Variants in KCNQ5 observed in about 807,000 individuals in gnomAD.
The protein encoded by KCNQ5 is potassium voltage-gated channel subfamily Q member 5, also known as potassium voltage-gated channel subfamily KQT member 5.
Under a neutral mutation model 98.2 loss-of-function variants are expected in KCNQ5, and 30 were observed. That is an observed-to-expected ratio of 0.31 (90% CI 0.23 to 0.41). KCNQ5 has a LOEUF of 0.41. Ranked by LOEUF, KCNQ5 falls within the 10% of genes least tolerant of loss-of-function variation. The pLI is 1.00. For missense variants in KCNQ5, 835 were observed against 1,182.5 expected (o/e 0.71, Z 4.31); for synonymous variants, 458 against 449.4 (o/e 1.02, Z -0.24).
At chr6:72,790,752 T>A (rs190055362) in intron 1 of KCNQ5, among the ~76,000 whole-genome samples, 15 of 152,258 alleles carry the variant, frequency 9.9e-5, no homozygotes, top group African/African-American at 3.6e-4. Flanking sequence ...CTTGGATAAA[T>A]GTTTCTATTA....
chr6:72,799,097 A>G (rs1282252830), intron 1 of KCNQ5, among the ~76,000 whole-genome samples: 1 of 152,134 alleles, frequency 6.6e-6, no homozygotes, highest in Non-Finnish European at 1.5e-5. Flanking sequence ...AGACAGAGAG[A>G]GAAGAGAGAC....
intron 1 of KCNQ5, among the ~76,000 whole-genome samples, chr6:72,718,901 A>G (rs1479717742): frequency 6.6e-6 from 1 of 152,124 alleles, no homozygotes; most frequent in Non-Finnish European, 1.5e-5. Flanking sequence ...TTTTTTATTG[A>G]AATGTAAAGA....
At chr6:72,644,065 G>A (rs1324444851) in intron 1 of KCNQ5, among the ~76,000 whole-genome samples, 1 of 151,928 alleles carries the variant, frequency 6.6e-6, no homozygotes, top group Non-Finnish European at 1.5e-5. Context: ...CACATAACAG[G>A]TATACACTTT....
intron 5 of KCNQ5, among the ~76,000 whole-genome samples, chr6:73,104,930 T>G (rs1774941653): frequency 6.6e-6 from 1 of 152,218 alleles, no homozygotes; most frequent in Non-Finnish European, 1.5e-5. Flanking sequence ...AAATTATTAT[T>G]TGTGTACTGA....
intron 1 of KCNQ5, among the ~76,000 whole-genome samples, chr6:72,734,729 T>C (rs1770735501): frequency 6.6e-6 from 1 of 152,200 alleles, no homozygotes. Context: ...TTGCAATTTA[T>C]ATATCACAAA....
At position 73,103,168 on chromosome 6, in the gene KCNQ5, G is replaced by A. The variant is rs941777314; in HGVS notation, c.919-2089G>A. On this transcript the variant is annotated intron_variant, in intron 5 of 13. Transcript: ENST00000370398. ...TTGCAGCAACATGGATGCAAGCGGAGCTCATTTTGTTGAGTAAAATAAGCC... is the reference window on the plus strand; with the variant it reads ...TTGCAGCAACATGGATGCAAGCGGAACTCATTTTGTTGAGTAAAATAAGCC... Among the ~76,000 whole-genome samples the A allele has an allele frequency of 3.3e-5, 5 of 152,158 alleles. No individual in the cohort carries two copies. In the South Asian group the frequency reaches 8.3e-4, roughly 25 times the overall value.
At chr6:72,718,990 G>T (rs975119657) in intron 1 of KCNQ5, among the ~76,000 whole-genome samples, 2 of 152,152 alleles carry the variant, frequency 1.3e-5, no homozygotes. Flanking sequence ...ATGGAAAAAT[G>T]GAGAGAGGTA....
chr6:72,816,018 G>T (rs946803072), intron 1 of KCNQ5, among the ~76,000 whole-genome samples: 9 of 152,112 alleles, frequency 5.9e-5, no homozygotes, highest in Non-Finnish European at 1.5e-5. Flanking sequence ...GAGAACAGAG[G>T]CTTAAGGCCA....
intron 1 of KCNQ5, among the ~76,000 whole-genome samples, chr6:72,661,868 T>G (rs1255353980): frequency 6.6e-6 from 1 of 152,184 alleles, no homozygotes. Flanking sequence ...TGGGCTAGAA[T>G]AAGCTTCTTT....
intron 1 of KCNQ5, among the ~76,000 whole-genome samples, chr6:72,978,126 A>G (rs1363216385): frequency 1.3e-5 from 2 of 152,238 alleles, no homozygotes; most frequent in African/African-American, 4.8e-5. Context: ...AACAGAGTTA[A>G]CAAGAATATC....
Position 72,945,556 on chromosome 6 carries a change from G to C in KCNQ5, c.399-58352G>C, listed in dbSNP as rs1766503935. ...TGCAACCTCTGTCTCCTGGGTTCAA[G>C]TGGTTCTCCTGCCTCAGCCTTCTGA... On this transcript the variant is annotated intron_variant, in intron 1 of 13. Transcript: ENST00000370398. Among the ~76,000 whole-genome samples, 3 of 151,542 alleles carry C rather than the reference G, an allele frequency of 2.0e-5. 1 individual carries two copies. In the South Asian group the frequency reaches 6.3e-4, roughly 32 times the overall value.
chr6:73,151,181 T>C (rs1777133620), intron 10 of KCNQ5, among the ~76,000 whole-genome samples: 2 of 152,176 alleles, frequency 1.3e-5, no homozygotes, highest in South Asian at 4.1e-4. Context: ...AGTCAAATGA[T>C]ATAAGCCCTT....
At chr6:72,766,798 G>A (rs1772596627) in intron 1 of KCNQ5, among the ~76,000 whole-genome samples, 1 of 151,942 alleles carries the variant, frequency 6.6e-6, no homozygotes, top group Non-Finnish European at 1.5e-5. Flanking sequence ...ATTTGGGCAT[G>A]TTAAGTTAGA....
chr6:73,092,172 C>T (rs184870886), intron 5 of KCNQ5, among the ~76,000 whole-genome samples: 86 of 150,610 alleles, frequency 5.7e-4, no homozygotes, highest in African/African-American at 2.0e-3. Context: ...TGATTTGATT[C>T]TCAGCTTGGT....
chr6:73,129,232 C>T (rs1489232823), intron 9 of KCNQ5, among the ~76,000 whole-genome samples: 2 of 152,214 alleles, frequency 1.3e-5, no homozygotes, highest in Non-Finnish European at 2.9e-5. Context: ...CTTCTAACAA[C>T]ACATCATAGG....
intron 1 of KCNQ5, among the ~76,000 whole-genome samples, chr6:72,888,592 T>C (rs953199725): frequency 1.3e-5 from 2 of 152,180 alleles, no homozygotes; most frequent in African/African-American, 4.8e-5. Context: ...CGATGAACCA[T>C]ACATGTTTCT....
chr6:73,050,257 G>GGGAAGGAAGGAAGGAAGGAAGGAAGGAA (rs1208611192), intron 3 of KCNQ5, among the ~76,000 whole-genome samples: 6 of 76,316 alleles, frequency 7.9e-5, no homozygotes, highest in African/African-American at 3.2e-4. Context: ...GAAGGAAGGA[G>GGGAAGGAAGGAAGGAAGGAAGGAAGGAA]GGAAGGAAGG....
At chr6:73,085,380 GA>G (rs1366974715) in intron 5 of KCNQ5, among the ~76,000 whole-genome samples, 1 of 152,150 alleles carries the variant, frequency 6.6e-6, no homozygotes, top group Non-Finnish European at 1.5e-5. Context: ...CTCTGGCATA[GA>G]GGGGGACAAA....
At chr6:73,125,803 G>A (rs890950576) in intron 9 of KCNQ5, among the ~76,000 whole-genome samples, 2 of 147,588 alleles carry the variant, frequency 1.4e-5, no homozygotes, top group African/African-American at 5.0e-5. Context: ...CCAAGGGATG[G>A]CATTAAAGTT....
Sources: gnomAD v4.1 joint callset for allele counts (sites outside exome capture counted in the v4.1 genomes callset) on GRCh38, gnomAD v4.1.1 for gene constraint, MANE v1.5 for transcripts, NCBI Gene and HGNC (gene_info 2026-07-23, HGNC 2026-07-21) for gene names.